The following CUX2 variants were observed in gnomAD, a reference collection of about 807,000 sequenced individuals.
The protein encoded by CUX2 is cut like homeobox 2, also known as homeobox protein cut-like 2.
In CUX2, 40 loss-of-function variants were observed where a neutral mutation model predicts 144.8. That is an observed-to-expected ratio of 0.28 (90% CI 0.21 to 0.36). CUX2 has a LOEUF of 0.36. Ranked by LOEUF, CUX2 falls within the 10% of genes least tolerant of loss-of-function variation. The pLI, the probability that CUX2 is intolerant of heterozygous loss-of-function variation, is 1.00. For synonymous variants in CUX2, 827 were observed against 875.6 expected (o/e 0.94, Z 0.98); for missense variants, 1,615 against 1,994.0 (o/e 0.81, Z 3.62).
chr12:111,082,322 A>G (rs576468519), intron 1 of CUX2, among the ~76,000 whole-genome samples: 3 of 152,316 alleles, frequency 2.0e-5, no homozygotes, highest in South Asian at 4.1e-4. Context: ...AAGGAATATG[A>G]TATTTGTAAA....
chr12:111,179,467 C>A (rs574114794), intron 1 of CUX2, among the ~76,000 whole-genome samples: 1 of 152,136 alleles, frequency 6.6e-6, no homozygotes, highest in South Asian at 2.1e-4. Context: ...TTCTTTGGGC[C>A]TCAGTTTCCA....
chr12:111,148,444 G>C (rs1261332970), intron 1 of CUX2, among the ~76,000 whole-genome samples: 1 of 152,146 alleles, frequency 6.6e-6, no homozygotes, highest in African/African-American at 2.4e-5. Context: ...AAAAGTTCTG[G>C]ATAGTGGTGA....
chr12:111,193,885 A>T (rs1358711436), intron 1 of CUX2, among the ~76,000 whole-genome samples: 1 of 152,210 alleles, frequency 6.6e-6, no homozygotes, highest in African/African-American at 2.4e-5. Flanking sequence ...GCCAGCTGGG[A>T]TGGAGACAGT....
chr12:111,087,036 T>C (rs1872263650), intron 1 of CUX2, among the ~76,000 whole-genome samples: 1 of 152,094 alleles, frequency 6.6e-6, no homozygotes, highest in African/African-American at 2.4e-5. Context: ...ACATAGTAAG[T>C]TATTCTACCG....
At chr12:111,235,376 T>G (rs1047204044) in intron 3 of CUX2, among the ~76,000 whole-genome samples, 2 of 152,004 alleles carry the variant, frequency 1.3e-5, no homozygotes, top group African/African-American at 4.8e-5. Flanking sequence ...TCTGGAGGTG[T>G]ACAGGCAGGA....
In CUX2 at chr12:111,034,730, GGAGGAGGAGGAGGAGA is replaced by G. The variant is rs1869333968; in HGVS notation, c.63+501_63+516del. Among the ~76,000 whole-genome samples, 1 of 150,424 alleles carries G rather than the reference GGAGGAGGAGGAGGAGA, an allele frequency of 6.6e-6. No individual in the cohort carries two copies. The highest frequency in any genetic ancestry group is 2.4e-5 in the African/African-American group (1 of 41,246). On this transcript the variant is annotated intron_variant, in intron 1 of 21. Coordinates refer to ENST00000261726, the MANE Select transcript of CUX2 (RefSeq NM_015267.4). The surrounding 1 kb of genome is among the most constrained non-coding windows in gnomAD (Gnocchi z 4.2). The stretch of plus-strand genomic sequence containing the variant: ...GCGGGCAGGGAGGAGGAGGAGGAGA[GGAGGAGGAGGAGGAGA>G]GAGGAGGAGGGAGCCGGGGTTGGCG...
chr12:111,219,420 C>T (rs1881726652), intron 3 of CUX2, among the ~76,000 whole-genome samples: 1 of 151,922 alleles, frequency 6.6e-6, no homozygotes, highest in Admixed American at 6.6e-5. Context: ...CATCTACCAA[C>T]TCCTAGTCCC....
In CUX2 at chr12:111,289,668, C is replaced by T. The variant is rs993567599; in HGVS notation, c.302-1750C>T. On this transcript the variant is annotated intron_variant, in intron 4 of 21. Coordinates refer to ENST00000261726, the MANE Select transcript of CUX2 (RefSeq NM_015267.4). This position sits in a 1 kb window ranked among gnomAD's most constrained non-coding sequence, Gnocchi z 4.1. ...CGAATTCCAGGCAGAAGGACCTGCACGTTCCTCACCTTTGAGTGATTGGGG... is the reference window on the plus strand; with the variant it reads ...CGAATTCCAGGCAGAAGGACCTGCATGTTCCTCACCTTTGAGTGATTGGGG... 2.0e-4 allele frequency among the ~76,000 whole-genome samples: 30 copies of T among 152,000 alleles called. No individual in the cohort carries two copies. The highest frequency in any genetic ancestry group is 6.8e-4 in the African/African-American group (28 of 41,372).
chr12:111,249,088 C>T (rs1159850731), intron 3 of CUX2, among the ~76,000 whole-genome samples: 2 of 152,150 alleles, frequency 1.3e-5, no homozygotes, highest in African/African-American at 4.8e-5. Context: ...CCCCCGTGAA[C>T]GAGGTGGGAC....
At chr12:111,268,655 G>C (rs1365668609) in intron 4 of CUX2, among the ~76,000 whole-genome samples, 1 of 152,276 alleles carries the variant, frequency 6.6e-6, no homozygotes, top group Non-Finnish European at 1.5e-5. Flanking sequence ...CAGCCCATGT[G>C]TCTGCAGCTG....
At position 111,307,847 on chromosome 12, in the gene CUX2, G is replaced by A. The variant is rs35607975; in HGVS notation, c.1110-438G>A. On this transcript the variant is annotated intron_variant, in intron 12 of 21. Transcript: ENST00000261726. This position sits in a 1 kb window ranked among gnomAD's most constrained non-coding sequence, Gnocchi z 4.1. The stretch of plus-strand genomic sequence containing the variant: ...AAAATACAGAAATTAGCCAGGTGTG[G>A]TGGCGCTCACCTGTAGTCCCAGCTA... Among the ~76,000 whole-genome samples the A allele has an allele frequency of 0.051, 7,766 of 152,266 alleles. 280 individuals are homozygous for A. Among genetic ancestry groups the A allele is most frequent in the South Asian group, 0.1 (506 of 4,830 alleles).
At chr12:111,073,642 A>G (rs1871356154) in intron 1 of CUX2, among the ~76,000 whole-genome samples, 1 of 152,044 alleles carries the variant, frequency 6.6e-6, no homozygotes. Context: ...GTGCGATAGC[A>G]TCTCCCAAAT....
chr12:111,141,552 T>C (rs1438397619), intron 1 of CUX2, among the ~76,000 whole-genome samples: 1 of 152,176 alleles, frequency 6.6e-6, no homozygotes, highest in Non-Finnish European at 1.5e-5. Context: ...ACTAGTATTA[T>C]CCCTATGTTA....
intron 1 of CUX2, among the ~76,000 whole-genome samples, chr12:111,172,716 G>T (rs1878624174): frequency 6.6e-6 from 1 of 152,204 alleles, no homozygotes; most frequent in African/African-American, 2.4e-5. Context: ...AAAGGAGTCT[G>T]TGTCTTGTCA....
At chr12:111,063,421 C>T (rs1044496639) in intron 1 of CUX2, among the ~76,000 whole-genome samples, 6 of 151,974 alleles carry the variant, frequency 3.9e-5, no homozygotes, top group African/African-American at 9.7e-5. Flanking sequence ...AGTATCTGTA[C>T]GTGTGTGAGC....
chr12:111,267,954 G>C (rs1884463434), intron 4 of CUX2, among the ~76,000 whole-genome samples: 1 of 151,982 alleles, frequency 6.6e-6, no homozygotes, highest in South Asian at 2.1e-4. Context: ...CCCAAGCCCA[G>C]CTAATTTTTT....
In CUX2 at chr12:111,186,430, A is replaced by G. The variant is rs1207394848; in HGVS notation, c.64-27770A>G. Among the ~76,000 whole-genome samples the G allele has an allele frequency of 6.6e-6, 1 of 152,214 alleles. No individual in the cohort carries two copies. The highest frequency in any genetic ancestry group is 1.5e-5 in the Non-Finnish European group (1 of 68,030). The stretch of plus-strand genomic sequence containing the variant: ...GCTAAGTTGCTATGACGTTAAGCTG[A>G]GACCCGAAGCATAAACTAGGCGGGG... On this transcript the variant is annotated intron_variant, in intron 1 of 21. Coordinates refer to ENST00000261726, the MANE Select transcript of CUX2 (RefSeq NM_015267.4). This position sits in a 1 kb window ranked among gnomAD's most constrained non-coding sequence, Gnocchi z 4.4.
chr12:111,128,137 T>A (rs1252011358), intron 1 of CUX2, among the ~76,000 whole-genome samples: 1 of 152,194 alleles, frequency 6.6e-6, no homozygotes, highest in Non-Finnish European at 1.5e-5. Context: ...TTATGTTCCT[T>A]CCAAGTCCCT....
At chr12:111,094,900 A>G (rs1872731388) in intron 1 of CUX2, among the ~76,000 whole-genome samples, 1 of 152,140 alleles carries the variant, frequency 6.6e-6, no homozygotes, top group Non-Finnish European at 1.5e-5. Context: ...AGGCTGTCTT[A>G]TTTAACCAGG....
Sources: gnomAD v4.1 joint callset for allele counts (sites outside exome capture counted in the v4.1 genomes callset) on GRCh38, gnomAD v4.1.1 for gene constraint, Gnocchi (gnomAD v3.1) non-coding constraint, MANE v1.5 for transcripts, NCBI Gene and HGNC (gene_info 2026-07-23, HGNC 2026-07-21) for gene names.